Variants in SLC9A4 observed in about 807,000 individuals in gnomAD.
SLC9A4 encodes solute carrier family 9 member A4.
Under a neutral mutation model 67.4 loss-of-function variants are expected in SLC9A4, and 63 were observed. The ratio of observed to expected loss-of-function variants is 0.93; its 90% CI spans 0.76 to 1.15. The LOEUF (loss-of-function observed/expected upper bound fraction) is 1.15. SLC9A4 is among the 50% of genes most tolerant of loss of function. SLC9A4 has a pLI of 0.00. For synonymous variants in SLC9A4, 393 were observed against 367.2 expected (o/e 1.07, Z -0.80); for missense variants, 1,089 against 987.7 (o/e 1.10, Z -1.38).
At chr2:102,526,784 T>G (rs61066107) in intron 11 of SLC9A4, among the ~76,000 whole-genome samples, 2,236 of 152,298 alleles carry the variant, frequency 0.015, 54 homozygotes, top group African/African-American at 0.049. Flanking sequence ...TAAAATGATT[T>G]CACCAGATTT....
intron 2 of SLC9A4, among the ~76,000 whole-genome samples, chr2:102,484,317 G>C (rs1267755899): frequency 6.6e-6 from 1 of 152,112 alleles, no homozygotes; most frequent in Non-Finnish European, 1.5e-5. Context: ...AGTGACAAGA[G>C]AGAACCCACA....
chr2:102,488,382 A>T (rs116222890), intron 2 of SLC9A4, among the ~76,000 whole-genome samples: 14,176 of 151,984 alleles, frequency 0.093, 810 homozygotes, highest in Middle Eastern at 0.18. Context: ...ACAGGCCTGG[A>T]TGGGAGCACT....
chr2:102,514,294 A>G, intron 8 of SLC9A4, 43 bp downstream of exon 8: 2 of 1,466,256 alleles, frequency 1.4e-6, no homozygotes, highest in South Asian at 1.2e-5. Context: ...CACTGTCAGA[A>G]TTCCAAGGGG....
chr2:102,514,018 C>A, intron 7 of SLC9A4, 72 bp from the exon 8 acceptor site: 1 of 1,533,286 alleles, frequency 6.5e-7, no homozygotes. Context: ...TAGTTTGTTT[C>A]AAGAGAAATG....
At chr2:102,524,781 A>C (rs1311547047) in intron 9 of SLC9A4, among the ~76,000 whole-genome samples, 1 of 152,206 alleles carries the variant, frequency 6.6e-6, no homozygotes, top group East Asian at 1.9e-4. Flanking sequence ...AGACCTCTGT[A>C]AGGGTTAGAG....
Position 102,483,833 on chromosome 2 carries a change from T to C in SLC9A4, c.720+4531T>C, listed in dbSNP as rs1171050011. ...ATATATATATATATATATATATATA[T>C]ATATATATACACACACACAATATAC... On this transcript the variant is annotated intron_variant, in intron 2 of 11. Transcript: ENST00000295269. Among the ~76,000 whole-genome samples the C allele has an allele frequency of 1.1e-3, 75 of 69,106 alleles. 1 individual carries two copies. Among genetic ancestry groups the C allele is most frequent in the African/African-American group, 4.2e-3 (69 of 16,616 alleles). The allele number at this position is 69,106 out of a possible 152,430, so 45.3% of individuals were successfully genotyped here.
intron 6 of SLC9A4, among the ~76,000 whole-genome samples, chr2:102,509,537 A>G (rs1685116647): frequency 6.6e-6 from 1 of 152,342 alleles, no homozygotes; most frequent in South Asian, 2.1e-4. Context: ...TCTGTCTCCC[A>G]AAGATTCATA....
At chr2:102,514,401 A>G (rs1317455676) in intron 8 of SLC9A4, 150 bp downstream of exon 8, 2 of 530,610 alleles carry the variant, frequency 3.8e-6, no homozygotes, top group Non-Finnish European at 6.2e-6. Context: ...AAGTCTTGGC[A>G]TTTTTATGGC....
intron 2 of SLC9A4, among the ~76,000 whole-genome samples, chr2:102,485,799 A>G (rs989419212): frequency 6.6e-6 from 1 of 152,206 alleles, no homozygotes; most frequent in African/African-American, 2.4e-5. Flanking sequence ...TCAAGCCCCC[A>G]AGAGGGAGCA....
rs1210035846 is a variant in SLC9A4 at position 102,479,192 on chromosome 2, T to C, written c.610T>C (p.Ser204Pro). The change falls in exon 2 of 12, where the codon TCC becomes CCC. Residue 204 changes from serine to proline, a missense_variant. By Grantham distance (74) the Ser-to-Pro change is moderately conservative (BLOSUM62 -1). Transcript: ENST00000295269. ...LQNLLFGSLI[S>P]AVDPVAVLAV... ...GAACCTGCTGTTCGGCAGCCTGATC[T>C]CCGCCGTGGACCCAGTGGCCGTGCT... 1.8e-5 allele frequency: 29 copies of C among 1,614,172 alleles called. No individual in the cohort carries two copies. The East Asian group carries it at 6.5e-4, about 36-fold the overall frequency.
At chr2:102,520,256 A>T (rs752786242) in intron 9 of SLC9A4, among the ~76,000 whole-genome samples, 2 of 152,210 alleles carry the variant, frequency 1.3e-5, no homozygotes, top group Non-Finnish European at 1.5e-5. Flanking sequence ...GTAGAGAAGC[A>T]CACACACCAC....
At chr2:102,483,459 G>A (rs1300843347) in intron 2 of SLC9A4, among the ~76,000 whole-genome samples, 1 of 152,178 alleles carries the variant, frequency 6.6e-6, no homozygotes, top group Non-Finnish European at 1.5e-5. Context: ...TCATCCAGAA[G>A]GTGGCCTGTG....
chr2:102,485,445 G>GACT (rs1379385988), intron 2 of SLC9A4, among the ~76,000 whole-genome samples: 1 of 152,170 alleles, frequency 6.6e-6, no homozygotes, highest in Admixed American at 6.5e-5. Flanking sequence ...GCCAGCATTA[G>GACT]ATTCTATATC....
At chr2:102,502,724 C>T (rs541920379) in intron 2 of SLC9A4, among the ~76,000 whole-genome samples, 1 of 152,236 alleles carries the variant, frequency 6.6e-6, no homozygotes, top group East Asian at 1.9e-4. Flanking sequence ...GTCAGCAATC[C>T]CTGTGCCAGG....
At chr2:102,524,294 C>G (rs1470492057) in intron 9 of SLC9A4, among the ~76,000 whole-genome samples, 1 of 152,158 alleles carries the variant, frequency 6.6e-6, no homozygotes, top group Non-Finnish European at 1.5e-5. Context: ...TGAGCATTTG[C>G]TGGTGGACCT....
In SLC9A4 at chr2:102,473,730, CAG is replaced by C; in HGVS notation, c.-29_-28del. Reference sequence around the variant, plus strand: ...TTCAGATGTGTGGCACACATCCACACAGGGGTGTAGGTAGGAGAAGCCCACAG... The same window carrying C: ...TTCAGATGTGTGGCACACATCCACACGGGTGTAGGTAGGAGAAGCCCACAG... On this transcript the variant is annotated 5_prime_UTR_variant, in exon 1 of 12. It removes the in-frame stop codon of an upstream open reading frame in the 5' UTR. Transcript: ENST00000295269. 6.2e-7 allele frequency: 1 copy of C among 1,610,130 alleles called. No homozygotes were observed. Among genetic ancestry groups the C allele is most frequent in the Non-Finnish European group, 8.5e-7 (1 of 1,178,450 alleles).
intron 11 of SLC9A4, among the ~76,000 whole-genome samples, chr2:102,532,011 TCC>T (rs1674787319): frequency 6.6e-6 from 1 of 152,220 alleles, no homozygotes; most frequent in Non-Finnish European, 1.5e-5. Context: ...CATCTTTGTG[TCC>T]CATGGTTTAT....
chr2:102,514,646 A>G (rs549399927), intron 8 of SLC9A4, among the ~76,000 whole-genome samples: 3 of 152,190 alleles, frequency 2.0e-5, no homozygotes, highest in Non-Finnish European at 4.4e-5. Context: ...CCTCTTTTAC[A>G]TGAGAGATGA....
chr2:102,494,736 TA>T (rs1684770899), intron 2 of SLC9A4, among the ~76,000 whole-genome samples: 1 of 151,958 alleles, frequency 6.6e-6, no homozygotes, highest in Non-Finnish European at 1.5e-5. Flanking sequence ...ATTACAAAGA[TA>T]AAGAAGGATC....
Sources: allele counts gnomAD v4.1 joint callset (sites outside exome capture counted in the v4.1 genomes callset), GRCh38; gene constraint gnomAD v4.1.1; transcripts MANE v1.5; gene names NCBI Gene and HGNC (gene_info 2026-07-23, HGNC 2026-07-21).